EFCAB6: variants seen among roughly 807,000 people sequenced by gnomAD.
EFCAB6 encodes the protein EF-hand calcium-binding domain-containing protein 6.
A neutral mutation model predicts 169.8 loss-of-function variants in EFCAB6; 156 were observed. The observed-to-expected ratio is 0.92, with a 90% confidence interval of 0.81 to 1.05. EFCAB6 has a LOEUF of 1.05. EFCAB6 is among the 50% of genes least tolerant of loss of function. The probability of loss-of-function intolerance (pLI) is 0.00; values close to 1 mark genes in which losing one functional copy is unlikely to be tolerated. For synonymous variants in EFCAB6, 698 were observed against 676.4 expected (o/e 1.03, Z -0.50); for missense variants, 1,800 against 1,829.1 (o/e 0.98, Z 0.29).
chr22:43,628,473 C>T lies in EFCAB6; in HGVS notation c.2233-1794G>A, dbSNP rs1258436936. Among the ~76,000 whole-genome samples the T allele has an allele frequency of 6.6e-6, 1 of 152,154 alleles. No individual in the cohort carries two copies. The highest frequency in any genetic ancestry group is 2.1e-4 in the South Asian group (1 of 4,822). ...CTCCGTGGCCTCTGCTCTGTGCAAT[C>T]GCTCCCGAGCGATCCCTTACAGCTG... On this transcript the variant is annotated intron_variant, in intron 19 of 31. Transcript: ENST00000262726. This position sits in a 1 kb window ranked among gnomAD's most constrained non-coding sequence, Gnocchi z 4.8.
rs769237026 is a variant in EFCAB6 at position 43,600,188 on chromosome 22, A to C, written c.2757T>G (p.Ala919=). ...LQKLGINYSP[A]VHRPCAEDYF... ...AATCCTCTGCACAGGGCCGATGGAC[A>C]GCAGGCGAATAGTTAATACCCAATT... The change falls in exon 23 of 32, where the codon GCT becomes GCG. Residue 919 remains alanine, a synonymous_variant. Transcript: ENST00000262726. 4 of 1,614,098 alleles carry C rather than the reference A, an allele frequency of 2.5e-6. No homozygotes were observed. The South Asian group carries it at 3.3e-5, about 13-fold the overall frequency.
intron 19 of EFCAB6, among the ~76,000 whole-genome samples, chr22:43,631,738 G>A (rs1266083235): frequency 6.6e-6 from 1 of 152,088 alleles, no homozygotes; most frequent in Non-Finnish European, 1.5e-5. Flanking sequence ...CTAGCACATA[G>A]TAAGTGTATA....
chr22:43,703,679 T>C (rs2058846233), intron 10 of EFCAB6, among the ~76,000 whole-genome samples: 1 of 148,852 alleles, frequency 6.7e-6, no homozygotes, highest in Admixed American at 6.7e-5. Context: ...AAAACCCAAA[T>C]AGAAATCCTA....
intron 10 of EFCAB6, among the ~76,000 whole-genome samples, chr22:43,704,313 T>C (rs890592641): frequency 6.6e-6 from 1 of 151,994 alleles, no homozygotes; most frequent in Non-Finnish European, 1.5e-5. Context: ...CTCCCAGACA[T>C]ACAAAAGCTA....
At chr22:43,766,186 T>C (rs1317476534) in intron 4 of EFCAB6, among the ~76,000 whole-genome samples, 3 of 151,928 alleles carry the variant, frequency 2.0e-5, no homozygotes, top group African/African-American at 7.3e-5. Context: ...TAGGCACACA[T>C]CACACCCAGC....
chr22:43,616,618 TC>T (rs2053704737), intron 20 of EFCAB6, among the ~76,000 whole-genome samples: 1 of 324 alleles, frequency 3.1e-3, no homozygotes, highest in Non-Finnish European at 6.0e-3. Context: ...GAGCTGAGAT[TC>T]GTGCCATTGC....
intron 27 of EFCAB6, 40 bp downstream of exon 27, chr22:43,554,829 C>T (rs566235292): frequency 6.3e-7 from 1 of 1,580,392 alleles, no homozygotes; most frequent in African/African-American, 1.3e-5. Context: ...TGACGCTCAG[C>T]CAACGGTGTG....
chr22:43,543,498 G>A (rs1156645474), intron 27 of EFCAB6, among the ~76,000 whole-genome samples: 1 of 152,174 alleles, frequency 6.6e-6, no homozygotes, highest in East Asian at 1.9e-4. Context: ...TCTGCCTCTA[G>A]GACAGGGGTA....
intron 30 of EFCAB6, among the ~76,000 whole-genome samples, 176 bp from the exon 31 acceptor site, chr22:43,531,140 C>T (rs541382662): frequency 6.6e-6 from 1 of 152,360 alleles, no homozygotes; most frequent in South Asian, 2.1e-4. Flanking sequence ...AAGATGCGCA[C>T]CCGCCCCCTG....
At position 43,678,929 on chromosome 22, in the gene EFCAB6, G is replaced by T. The variant is rs192169695; in HGVS notation, c.1252-766C>A. Among the ~76,000 whole-genome samples, 31 of 152,254 alleles carry T rather than the reference G, an allele frequency of 2.0e-4. No individual in the cohort carries two copies. The East Asian group carries it at 4.4e-3, about 22-fold the overall frequency. On this transcript the variant is annotated intron_variant, in intron 12 of 31. Transcript: ENST00000262726. ...TATTTGGGGGTCCAAAATCTGAAAA[G>T]AATATAAGGTTCTCTTGAGGGGTAA...
chr22:43,710,268 T>TA (rs1048810065), intron 10 of EFCAB6, among the ~76,000 whole-genome samples: 15 of 152,160 alleles, frequency 9.9e-5, no homozygotes, highest in African/African-American at 3.6e-4. Context: ...ACGTTTGTCA[T>TA]ACCACAAAGC....
chr22:43,617,649 C>T (rs972573570), intron 20 of EFCAB6, among the ~76,000 whole-genome samples: 6 of 152,186 alleles, frequency 3.9e-5, no homozygotes, highest in African/African-American at 1.4e-4. Flanking sequence ...CAGATCCAGC[C>T]TTCCTTCCTA....
chr22:43,727,177 T>A (rs1046056131), intron 8 of EFCAB6, among the ~76,000 whole-genome samples: 1 of 152,168 alleles, frequency 6.6e-6, no homozygotes, highest in Non-Finnish European at 1.5e-5. Flanking sequence ...AATCCCAGAA[T>A]TGGGGAGGCT....
intron 31 of EFCAB6, 136 bp from the exon 32 acceptor site, chr22:43,529,111 GCTCT>G (rs2046908860): frequency 1.0e-5 from 11 of 1,055,474 alleles, no homozygotes; most frequent in African/African-American, 6.3e-5. Flanking sequence ...CCATCTGTGC[GCTCT>G]CTCTATGCCC....
In EFCAB6 at chr22:43,537,448, C is replaced by T. The variant is rs749917338; in HGVS notation, c.3977G>A (p.Arg1326His). Residue 1326 changes from arginine (R) to histidine (H), a missense_variant, in exon 29 of 32, where the codon CGC becomes CAC. Arg to His is a conservative substitution (Grantham distance 29). Coordinates refer to ENST00000262726, the MANE Select transcript of EFCAB6 (RefSeq NM_022785.4). The surrounding 1 kb of genome is among the most constrained non-coding windows in gnomAD (Gnocchi z 4.3). ...CTCCTTGCATTCTTTCAGGAGCTGG[C>T]GCCAGCAGCCCTGGATTCTCTTCCG... ...RLRKRIQGCW[R>H]QLLKECKEKD... 4.0e-5 allele frequency: 65 copies of T among 1,614,006 alleles called. No homozygotes were observed. Among genetic ancestry groups the T allele is most frequent in the Non-Finnish European group, 4.1e-5 (48 of 1,180,046 alleles).
chr22:43,529,111 G>C, intron 31 of EFCAB6, 136 bp from the exon 32 acceptor site: 1 of 1,055,474 alleles, frequency 9.5e-7, no homozygotes, highest in South Asian at 2.0e-5. Context: ...CCATCTGTGC[G>C]CTCTCTCTAT....
intron 28 of EFCAB6, among the ~76,000 whole-genome samples, chr22:43,538,467 C>A (rs965078128): frequency 6.6e-6 from 1 of 152,210 alleles, no homozygotes; most frequent in Non-Finnish European, 1.5e-5. Context: ...CGGCTCACTG[C>A]AACCTCCGCT....
At chr22:43,707,412 C>T (rs186205013) in intron 10 of EFCAB6, among the ~76,000 whole-genome samples, 20 of 151,950 alleles carry the variant, frequency 1.3e-4, no homozygotes, top group African/African-American at 4.3e-4. Context: ...CTGAAAAATA[C>T]GAATTCTCAG....
intron 24 of EFCAB6, among the ~76,000 whole-genome samples, chr22:43,589,280 C>CAAAAAAAAAAA (rs1163346832): frequency 9.9e-5 from 8 of 80,934 alleles, no homozygotes; most frequent in African/African-American, 2.2e-4. Context: ...GACTTCATGT[C>CAAAAAAAAAAA]AAAAAAAAAA....
Sources: allele counts gnomAD v4.1 joint callset (sites outside exome capture counted in the v4.1 genomes callset), GRCh38; gene constraint gnomAD v4.1.1; non-coding constraint Gnocchi (gnomAD v3.1); transcripts MANE v1.5; gene names NCBI Gene and HGNC (gene_info 2026-07-23, HGNC 2026-07-21).